LRMDA: variants seen among roughly 807,000 people sequenced by gnomAD.
The protein encoded by LRMDA is leucine rich melanocyte differentiation associated.
Under a neutral mutation model 29.8 loss-of-function variants are expected in LRMDA, and 18 were observed. The ratio of observed to expected loss-of-function variants is 0.60; its 90% CI spans 0.42 to 0.90. The LOEUF is 0.90. LRMDA is among the 40% of genes least tolerant of loss of function. LRMDA has a pLI of 0.00. For synonymous variants in LRMDA, 125 were observed against 109.4 expected (o/e 1.14, Z -0.89); for missense variants, 273 against 273.9 (o/e 1.00, Z 0.02).
Position 76,423,163 on chromosome 10 carries a change from C to T in LRMDA, c.601+98678C>T, listed in dbSNP as rs147204244. On this transcript the variant is annotated intron_variant, in intron 6 of 6. Transcript: ENST00000611255. The stretch of plus-strand genomic sequence containing the variant: ...TAATCCCAGCACTTTGGGAGGCTGA[C>T]GCAGGCAGATCGCTTGAGTCCAGGA... Among the ~76,000 whole-genome samples the T allele has an allele frequency of 5.5e-3, 843 of 152,208 alleles. 10 individuals carry two copies. The highest frequency in any genetic ancestry group is 0.02 in the African/African-American group (816 of 41,522).
intron 6 of LRMDA, among the ~76,000 whole-genome samples, chr10:76,391,615 T>C (rs1384022391): frequency 6.6e-6 from 1 of 152,186 alleles, no homozygotes; most frequent in African/African-American, 2.4e-5. Context: ...AACTAAGGTT[T>C]AGGCTAATTT....
chr10:75,683,850 T>G (rs1411165003), intron 2 of LRMDA, among the ~76,000 whole-genome samples: 3 of 152,240 alleles, frequency 2.0e-5, no homozygotes, highest in African/African-American at 7.2e-5. Flanking sequence ...TGGGGCTTAG[T>G]AAGTCTTAGG....
At chr10:75,538,064 CAGTATA>C in intron 2 of LRMDA, among the ~76,000 whole-genome samples, 1 of 152,184 alleles carries the variant, frequency 6.6e-6, no homozygotes, top group South Asian at 2.1e-4. Context: ...TGCTCCACCA[CAGTATA>C]CGGTTGGGGA....
chr10:76,515,510 T>G (rs1016803345), intron 6 of LRMDA, among the ~76,000 whole-genome samples: 2 of 152,090 alleles, frequency 1.3e-5, no homozygotes, highest in Non-Finnish European at 1.5e-5. Flanking sequence ...CACGTCTTTT[T>G]TTCTCTTTTT....
At chr10:75,761,165 C>T (rs994816951) in intron 2 of LRMDA, among the ~76,000 whole-genome samples, 1 of 152,166 alleles carries the variant, frequency 6.6e-6, no homozygotes, top group African/African-American at 2.4e-5. Flanking sequence ...ACCATGTGAT[C>T]CAGCAGTTCC....
At chr10:75,601,079 T>C (rs577716200) in intron 2 of LRMDA, among the ~76,000 whole-genome samples, 117 of 152,366 alleles carry the variant, frequency 7.7e-4, no homozygotes, top group Admixed American at 1.8e-3. Context: ...TGATTTGTTA[T>C]TGAATGACCT....
Position 76,511,110 on chromosome 10 carries a change from A to G in LRMDA, c.602-46099A>G, listed in dbSNP as rs372024499. On this transcript the variant is annotated intron_variant, in intron 6 of 6. Coordinates refer to ENST00000611255, the MANE Select transcript of LRMDA (RefSeq NM_001305581.2). The stretch of plus-strand genomic sequence containing the variant: ...AGGTGGGATCAATATCCCCCATCCT[A>G]TTGGTTCAGAGTCAAGACTAATGAT... 1.1e-4 allele frequency among the ~76,000 whole-genome samples: 17 copies of G among 152,212 alleles called. No individual in the cohort carries two copies. The East Asian group carries it at 1.7e-3, about 16-fold the overall frequency.
rs1191608208 is a variant in LRMDA at position 76,351,466 on chromosome 10, A to G, written c.601+26981A>G. Among the ~76,000 whole-genome samples the G allele has an allele frequency of 2.6e-5, 4 of 152,144 alleles. No homozygotes were observed. The South Asian group carries it at 6.2e-4, about 24-fold the overall frequency. ...GTACTTCTGAGTATCCTACTATTCTAGTTTCTCTGGGGCTGCTACATTTAT... is the reference window on the plus strand; with the variant it reads ...GTACTTCTGAGTATCCTACTATTCTGGTTTCTCTGGGGCTGCTACATTTAT... On this transcript the variant is annotated intron_variant, in intron 6 of 6. Transcript: ENST00000611255.
At chr10:75,761,789 C>CT (rs1248669793) in intron 2 of LRMDA, among the ~76,000 whole-genome samples, 29 of 145,974 alleles carry the variant, frequency 2.0e-4, no homozygotes, top group African/African-American at 7.4e-4. Context: ...TTTTGGTATA[C>CT]TTTTGTTTTT....
intron 2 of LRMDA, among the ~76,000 whole-genome samples, chr10:75,692,718 C>T (rs190189210): frequency 1.5e-4 from 23 of 151,956 alleles, no homozygotes; most frequent in African/African-American, 4.1e-4. Context: ...ACCTATGAGT[C>T]GCCTTTGTTT....
chr10:75,937,694 T>A (rs1266321637), intron 2 of LRMDA, among the ~76,000 whole-genome samples: 2 of 152,210 alleles, frequency 1.3e-5, no homozygotes, highest in Non-Finnish European at 2.9e-5. Context: ...CTATAATGGT[T>A]TCTTACGACT....
At chr10:75,520,979 A>C (rs1845349608) in intron 2 of LRMDA, among the ~76,000 whole-genome samples, 1 of 151,970 alleles carries the variant, frequency 6.6e-6, no homozygotes, top group Non-Finnish European at 1.5e-5. Flanking sequence ...CTGGAGGTCT[A>C]CTCCAGACCC....
At chr10:75,572,629 C>G (rs1840451870) in intron 2 of LRMDA, among the ~76,000 whole-genome samples, 1 of 152,148 alleles carries the variant, frequency 6.6e-6, no homozygotes, top group Admixed American at 6.5e-5. Context: ...TTGAAAATAT[C>G]TTTACTTTGG....
chr10:75,572,845 T>C (rs1311290148), intron 2 of LRMDA, among the ~76,000 whole-genome samples: 2 of 152,188 alleles, frequency 1.3e-5, no homozygotes. Context: ...AGTACTAGTG[T>C]CTTTATAAGA....
At chr10:75,771,233 T>C (rs774443486) in intron 2 of LRMDA, among the ~76,000 whole-genome samples, 150 of 152,080 alleles carry the variant, frequency 9.9e-4, no homozygotes, top group Non-Finnish European at 1.9e-3. Context: ...TGGCTCACTC[T>C]ACACAGGTTC....
chr10:76,303,881 G>C (rs747648503), intron 5 of LRMDA, among the ~76,000 whole-genome samples: 2 of 152,138 alleles, frequency 1.3e-5, no homozygotes, highest in East Asian at 3.9e-4. Flanking sequence ...TCTGCAGCTC[G>C]GGAGACACTC....
intron 2 of LRMDA, among the ~76,000 whole-genome samples, chr10:76,026,197 G>A (rs2894318): frequency 0.11 from 17,021 of 152,232 alleles, 1,515 homozygotes; most frequent in East Asian, 0.24. Flanking sequence ...AATTGAGGAC[G>A]TACAATGAAT....
intron 2 of LRMDA, among the ~76,000 whole-genome samples, chr10:75,577,792 T>C (rs1160292306): frequency 6.6e-6 from 1 of 152,036 alleles, no homozygotes; most frequent in Non-Finnish European, 1.5e-5. Flanking sequence ...TAAACTAAGC[T>C]TCATAAGGGA....
chr10:76,463,934 T>TTTTTTG (rs398069841), intron 6 of LRMDA, among the ~76,000 whole-genome samples: 3 of 149,676 alleles, frequency 2.0e-5, no homozygotes, highest in African/African-American at 4.9e-5. Context: ...TTTTTTTTTT[T>TTTTTTG]GTGAGATGGA....
Sources: allele counts gnomAD v4.1 joint callset (sites outside exome capture counted in the v4.1 genomes callset), GRCh38; gene constraint gnomAD v4.1.1; transcripts MANE v1.5; gene names NCBI Gene and HGNC (gene_info 2026-07-23, HGNC 2026-07-21).